DST: variants seen among roughly 807,000 people sequenced by gnomAD.
The protein encoded by DST is dystonin.
In DST, 253 loss-of-function variants were observed where a neutral mutation model predicts 875.2. The ratio of observed to expected loss-of-function variants is 0.29; its 90% CI spans 0.26 to 0.32. The LOEUF (loss-of-function observed/expected upper bound fraction) is 0.32, where lower values mean the gene tolerates loss of function less well. Among genes scored for constraint, DST ranks in the 10% least tolerant of loss-of-function variants. The pLI is 1.00. For synonymous variants in DST, 3,124 were observed against 3,197.1 expected, an observed-to-expected ratio of 0.98 and a Z score of 0.77; for missense variants, 8,287 against 9,111.6, an observed-to-expected ratio of 0.91 and a Z score of 3.68.
intron 9 of DST, among the ~76,000 whole-genome samples, chr6:56,684,413 G>C (rs893414304): frequency 1.3e-5 from 2 of 152,174 alleles, no homozygotes; most frequent in African/African-American, 2.4e-5. Flanking sequence ...AGAAAACAGA[G>C]ATATTTAACT....
At chr6:56,715,623 A>G (rs1057390623) in intron 5 of DST, among the ~76,000 whole-genome samples, 43 of 152,206 alleles carry the variant, frequency 2.8e-4, no homozygotes, top group African/African-American at 1.0e-3. Context: ...CAGTTACATC[A>G]AATAGCCAGG....
chr6:56,745,438 T>C (rs1018191400), intron 4 of DST, among the ~76,000 whole-genome samples: 4 of 152,176 alleles, frequency 2.6e-5, no homozygotes, highest in Admixed American at 6.6e-5. Flanking sequence ...TACAGTAAAA[T>C]CTTTGGATTT....
At position 56,617,227 on chromosome 6, in the gene DST, A is replaced by C. The variant is rs199558360; in HGVS notation, c.4930-2743T>G. ...ATTTAAATTCATCATCCCTGACTGA[A>C]CATGCATGATCACCATCAAAGTTCT... On this transcript the variant is annotated intron_variant, in intron 36 of 103. Transcript: ENST00000680361. The C allele has an allele frequency of 2.1e-5, 33 of 1,604,492 alleles. No individual in the cohort carries two copies. Among genetic ancestry groups the C allele is most frequent in the Non-Finnish European group, 2.6e-5 (30 of 1,175,406 alleles).
intron 9 of DST, chr6:56,692,697 T>A (rs1254631604): frequency 7.8e-7 from 1 of 1,289,612 alleles, no homozygotes; most frequent in Non-Finnish European, 1.0e-6. Flanking sequence ...TTGCGCAATA[T>A]GGAGTGCTGT....
At chr6:56,568,412 T>C (rs774503456) in intron 55 of DST, 57 bp downstream of exon 55, 20 of 1,535,744 alleles carry the variant, frequency 1.3e-5, no homozygotes, top group East Asian at 2.3e-5. Flanking sequence ...ATACACAAAA[T>C]TGACATGAGT....
Position 56,553,318 on chromosome 6 carries a change from T to A in DST, c.15474A>T (p.Glu5158Asp). The A allele has an allele frequency of 1.2e-6, 2 of 1,612,826 alleles. No homozygotes were observed. The highest frequency in any genetic ancestry group is 1.7e-6 in the Non-Finnish European group (2 of 1,179,720). ...TTTCCAATGACTCTTTTAACTTGTT[T>A]TCTCTTTCTTTCACCTGCTTATTAA... ...DTFNKQVKER[E>D]NKLKESLEKA... Residue 5158 changes from glutamate (E) to aspartate (D), a missense_variant, in exon 61 of 104, where the codon GAA becomes GAT. By Grantham distance (45) the Glu-to-Asp change is conservative (BLOSUM62 2). This residue lies in a region of DST where 1,513 missense variants were observed against 1,677.8 expected (regional missense o/e 0.90). Coordinates refer to ENST00000680361, the MANE Select transcript of DST (RefSeq NM_001374736.1).
intron 49 of DST, among the ~76,000 whole-genome samples, chr6:56,590,648 G>A (rs2098255891): frequency 6.6e-6 from 1 of 152,094 alleles, no homozygotes; most frequent in Admixed American, 6.5e-5. Flanking sequence ...ATGCACATTG[G>A]AAAAAAGGAA....
chr6:56,587,327 C>T (rs887019558), intron 49 of DST, among the ~76,000 whole-genome samples: 9 of 151,880 alleles, frequency 5.9e-5, no homozygotes, highest in African/African-American at 9.7e-5. Flanking sequence ...GAAGATGAAA[C>T]GAATGAAATG....
chr6:56,753,706 A>G (rs1413514878), intron 4 of DST, among the ~76,000 whole-genome samples: 1 of 152,212 alleles, frequency 6.6e-6, no homozygotes, highest in African/African-American at 2.4e-5. Flanking sequence ...GTAACCACAG[A>G]ATTATCAAAT....
intron 4 of DST, among the ~76,000 whole-genome samples, chr6:56,832,499 T>C (rs2099788309): frequency 6.6e-6 from 1 of 152,110 alleles, no homozygotes; most frequent in South Asian, 2.1e-4. Flanking sequence ...TCCCCAGCCA[T>C]GTGGAACTGT....
chr6:56,850,769 C>T (rs1157806825), intron 4 of DST, among the ~76,000 whole-genome samples: 1 of 152,230 alleles, frequency 6.6e-6, no homozygotes, highest in African/African-American at 2.4e-5. Flanking sequence ...AGGGCCAATG[C>T]AAGGGAACAC....
chr6:56,574,749 T>G (rs1450750065), intron 50 of DST, among the ~76,000 whole-genome samples: 1 of 152,168 alleles, frequency 6.6e-6, no homozygotes, highest in Non-Finnish European at 1.5e-5. Flanking sequence ...GAACAATGGT[T>G]TTTAATGTAT....
At chr6:56,550,721 T>C (rs2152551418) in intron 61 of DST, among the ~76,000 whole-genome samples, 1 of 152,304 alleles carries the variant, frequency 6.6e-6, no homozygotes, top group Admixed American at 6.5e-5. Context: ...ATCATAATGT[T>C]TCACAATTTA....
At chr6:56,529,808 C>CA in intron 65 of DST, 34 bp from the exon 66 acceptor site, 1 of 1,467,828 alleles carries the variant, frequency 6.8e-7, no homozygotes, top group Non-Finnish European at 9.0e-7. Context: ...AGAAGAAAAA[C>CA]AAAAAGAATG....
At chr6:56,635,292 A>C (rs997158122) in intron 24 of DST, among the ~76,000 whole-genome samples, 7 of 152,188 alleles carry the variant, frequency 4.6e-5, no homozygotes, top group African/African-American at 1.4e-4. Flanking sequence ...AACCTAAAAC[A>C]GTGCCCAGGA....
At position 56,934,560 on chromosome 6, in the gene DST, T is replaced by TTATATATATATA. The variant is rs60018139; in HGVS notation, c.216+19213_216+19224dup. ...TAAAATATACATATTATATATTATA[T>TTATATATATATA]TATATATATATATATATATATATAT... On this transcript the variant is annotated intron_variant, in intron 2 of 103. Coordinates refer to ENST00000680361, the MANE Select transcript of DST (RefSeq NM_001374736.1). 8.5e-4 allele frequency among the ~76,000 whole-genome samples: 90 copies of TTATATATATATA among 106,464 alleles called. 1 individual carries two copies. Among genetic ancestry groups the TTATATATATATA allele is most frequent in the African/African-American group, 2.6e-3 (74 of 28,374 alleles). 69.8% of individuals were successfully genotyped at this position (106,464 alleles called of 152,430 possible). A position where few individuals can be genotyped will look rare whatever the true frequency, so the allele number is the denominator to read the frequency against.
Position 56,605,661 on chromosome 6 carries a change from T to A in DST, c.8967A>T (p.Lys2989Asn). 6.2e-7 allele frequency: 1 copy of A among 1,613,036 alleles called. No homozygotes were observed. Among genetic ancestry groups the A allele is most frequent in the Non-Finnish European group, 8.5e-7 (1 of 1,179,394 alleles). ...TGATGTGATCAAGAGATGAGTCAACTTTTGGTGTCATATTCTTAAAATATT... is the reference window on the plus strand; with the variant it reads ...TGATGTGATCAAGAGATGAGTCAACATTTGGTGTCATATTCTTAAAATATT... The part of the protein sequence containing the change: ...KDEYFKNMTP[K>N]VDSSLDHIIC... The change falls in exon 40 of 104, where the codon AAA (lysine) becomes AAT (asparagine). Residue 2989 changes from lysine (K) to asparagine (N), a missense_variant. Physicochemically the swap from Lys to Asn is moderately conservative, Grantham distance 94. Transcript: ENST00000680361.
intron 2 of DST, among the ~76,000 whole-genome samples, chr6:56,920,340 A>T (rs1803426956): frequency 6.6e-6 from 1 of 152,158 alleles, no homozygotes; most frequent in African/African-American, 2.4e-5. Context: ...TAAGGGCTTG[A>T]CCTGGAATGT....
At chr6:56,885,337 G>A (rs566503516) in intron 3 of DST, among the ~76,000 whole-genome samples, 2 of 152,288 alleles carry the variant, frequency 1.3e-5, no homozygotes, top group East Asian at 3.9e-4. Context: ...TCAATATTCA[G>A]AAGTGGAATA....
Sources: allele counts gnomAD v4.1 joint callset (sites outside exome capture counted in the v4.1 genomes callset), GRCh38; gene constraint gnomAD v4.1.1; regional missense constraint gnomAD v4.1.1; transcripts MANE v1.5; gene names NCBI Gene and HGNC (gene_info 2026-07-23, HGNC 2026-07-21).